Variants in SLC8A1 observed in about 807,000 individuals in gnomAD.
The protein encoded by SLC8A1 is solute carrier family 8 member A1, also known as sodium/calcium exchanger 1.
Under a neutral mutation model 68.3 loss-of-function variants are expected in SLC8A1, and 18 were observed. The ratio of observed to expected loss-of-function variants is 0.26; its 90% CI spans 0.18 to 0.39. The LOEUF is 0.39. Among genes scored for constraint, SLC8A1 ranks in the 10% least tolerant of loss-of-function variants. SLC8A1 has a pLI of 1.00. For synonymous variants in SLC8A1, 475 were observed against 415.5 expected, an observed-to-expected ratio of 1.14 and a Z score of -1.74; for missense variants, 985 against 1,156.7, an observed-to-expected ratio of 0.85 and a Z score of 2.15.
At chr2:40,114,582 T>C (rs769057034) in exon 8 of SLC8A1, 1 of 152,768 alleles carries the variant, frequency 6.5e-6, no homozygotes, top group South Asian at 2.1e-4. Context: ...AGGTATCACA[T>C]GTTTAAATAT....
chr2:40,445,607 A>G (rs1701296450), intron 1 of SLC8A1, among the ~76,000 whole-genome samples: 1 of 152,212 alleles, frequency 6.6e-6, no homozygotes, highest in African/African-American at 2.4e-5. Context: ...AAACTAGGTG[A>G]TATCAGATGT....
At chr2:40,170,781 A>G (rs541008598) in intron 4 of SLC8A1, among the ~76,000 whole-genome samples, 2 of 152,208 alleles carry the variant, frequency 1.3e-5, no homozygotes, top group African/African-American at 4.8e-5. Context: ...TTTTAAGTCA[A>G]CCATTATAGA....
chr2:40,309,806 AC>A (rs1449340481), intron 2 of SLC8A1, among the ~76,000 whole-genome samples: 2 of 152,118 alleles, frequency 1.3e-5, no homozygotes, highest in East Asian at 3.9e-4. Context: ...TCCCATCCTA[AC>A]CATTTTTTAT....
intron 2 of SLC8A1, among the ~76,000 whole-genome samples, chr2:40,269,196 A>T (rs955909555): frequency 6.6e-6 from 1 of 152,220 alleles, no homozygotes; most frequent in Admixed American, 6.5e-5. Context: ...TTTATTATAG[A>T]AATTATAGGA....
At position 40,131,536 on chromosome 2, in the gene SLC8A1, C is replaced by T. The variant is rs1433317733; in HGVS notation, c.2437+7865G>A. ...GCATTTTTGTGTTCGCTCCTGACCA[C>T]CTCTCTGCTGTTAAGAGTAGACTGA... is the stretch of plus-strand genomic sequence containing the variant. On this transcript the variant is annotated intron_variant, in intron 7 of 7. Transcript: ENST00000406785. 2.0e-5 allele frequency among the ~76,000 whole-genome samples: 3 copies of T among 152,296 alleles called. No homozygotes were observed. In the South Asian group the frequency reaches 6.2e-4, roughly 32 times the overall value.
chr2:40,430,788 T>C (rs1208314671), intron 1 of SLC8A1, among the ~76,000 whole-genome samples: 1 of 152,124 alleles, frequency 6.6e-6, no homozygotes, highest in Non-Finnish European at 1.5e-5. Context: ...CTTATTACAA[T>C]TGATGCTTTG....
At chr2:40,180,859 C>G (rs982306139) in intron 2 of SLC8A1, among the ~76,000 whole-genome samples, 3 of 123,246 alleles carry the variant, frequency 2.4e-5, no homozygotes, top group African/African-American at 9.2e-5. Flanking sequence ...TTCATGTTCA[C>G]AAAGCAACTT....
intron 2 of SLC8A1, among the ~76,000 whole-genome samples, chr2:40,402,960 G>A (rs560158926): frequency 2.6e-5 from 4 of 152,234 alleles, no homozygotes; most frequent in South Asian, 4.1e-4. Context: ...CTGATCCACA[G>A]TTAACGAAAA....
At chr2:40,290,487 C>G (rs2069111958) in intron 2 of SLC8A1, among the ~76,000 whole-genome samples, 1 of 152,102 alleles carries the variant, frequency 6.6e-6, no homozygotes, top group African/African-American at 2.4e-5. Context: ...AAGACGGCAG[C>G]AGAGTCTGGG....
At chr2:40,129,238 T>C (rs1225011235) in intron 7 of SLC8A1, among the ~76,000 whole-genome samples, 1 of 151,772 alleles carries the variant, frequency 6.6e-6, no homozygotes, top group East Asian at 1.9e-4. Context: ...TGTTTCATTT[T>C]TTTTTTTTTT....
chr2:40,235,435 C>A (rs1335298255), intron 2 of SLC8A1, among the ~76,000 whole-genome samples: 1 of 151,868 alleles, frequency 6.6e-6, no homozygotes, highest in African/African-American at 2.4e-5. Flanking sequence ...TCTGTGGGAT[C>A]GGTGGTGATA....
intron 1 of SLC8A1, among the ~76,000 whole-genome samples, chr2:40,458,675 G>A (rs574597897): frequency 6.6e-6 from 1 of 152,214 alleles, no homozygotes; most frequent in South Asian, 2.1e-4. Context: ...GAACCACACA[G>A]AGACAGCAAT....
chr2:40,233,057 A>G (rs1373406788), intron 2 of SLC8A1, among the ~76,000 whole-genome samples: 8 of 152,228 alleles, frequency 5.3e-5, no homozygotes, highest in African/African-American at 1.7e-4. Flanking sequence ...TGCAGTAAAC[A>G]TACGTGTGCA....
intron 2 of SLC8A1, chr2:40,223,802 C>T (rs1309706942): frequency 6.6e-6 from 1 of 152,072 alleles, no homozygotes; most frequent in East Asian, 1.9e-4. Flanking sequence ...AATTAAGTAA[C>T]TATTTTTTTT....
intron 2 of SLC8A1, chr2:40,177,879 A>G (rs779958859): frequency 6.9e-7 from 1 of 1,452,622 alleles, no homozygotes; most frequent in Non-Finnish European, 9.5e-7. Context: ...AGACAAAGGC[A>G]AAACAAATGG....
chr2:40,382,823 T>G (rs1248677414), intron 2 of SLC8A1, among the ~76,000 whole-genome samples: 1 of 152,128 alleles, frequency 6.6e-6, no homozygotes, highest in Non-Finnish European at 1.5e-5. Context: ...AATGTCTATT[T>G]TAAAATTATT....
intron 2 of SLC8A1, among the ~76,000 whole-genome samples, chr2:40,188,407 T>C (rs997396433): frequency 7.9e-5 from 12 of 152,240 alleles, no homozygotes; most frequent in African/African-American, 2.9e-4. Context: ...AGATCAGTTC[T>C]CCATTTGCCA....
At chr2:40,308,375 G>C (rs1285718804) in intron 2 of SLC8A1, among the ~76,000 whole-genome samples, 1 of 152,126 alleles carries the variant, frequency 6.6e-6, no homozygotes, top group East Asian at 1.9e-4. Context: ...TGCAAAGGTA[G>C]ACACTTTTCA....
chr2:40,399,332 T>G (rs73928982), intron 2 of SLC8A1, among the ~76,000 whole-genome samples: 2,729 of 151,658 alleles, frequency 0.018, 81 homozygotes, highest in African/African-American at 0.062. Context: ...ACCCCTCGTC[T>G]CCCCTTTTTC....
Sources: allele counts gnomAD v4.1 joint callset (sites outside exome capture counted in the v4.1 genomes callset), GRCh38; gene constraint gnomAD v4.1.1; transcripts MANE v1.5; gene names NCBI Gene and HGNC (gene_info 2026-07-23, HGNC 2026-07-21).